The following ARHGAP24 variants were observed in gnomAD, a reference collection of about 807,000 sequenced individuals.
ARHGAP24 encodes the protein Rho GTPase activating protein 24, also known as rho GTPase-activating protein 24.
A neutral mutation model predicts 76.4 loss-of-function variants in ARHGAP24; 50 were observed. The observed-to-expected ratio is 0.65, with a 90% CI of 0.52 to 0.83. The LOEUF is 0.83. ARHGAP24 is among the 40% of genes least tolerant of loss of function. The probability of loss-of-function intolerance (pLI) is 0.00; values close to 1 mark genes in which losing one functional copy is unlikely to be tolerated. For synonymous variants in ARHGAP24, 345 were observed against 323.3 expected, an observed-to-expected ratio of 1.07 and a Z score of -0.72; for missense variants, 930 against 914.2, an observed-to-expected ratio of 1.02 and a Z score of -0.22.
At chr4:85,845,002 A>G (rs936924280) in intron 3 of ARHGAP24, among the ~76,000 whole-genome samples, 1 of 152,222 alleles carries the variant, frequency 6.6e-6, no homozygotes, top group African/African-American at 2.4e-5. Context: ...GAGAGGTTGG[A>G]AAATACTAAT....
chr4:85,952,689 A>G (rs1737684863), intron 5 of ARHGAP24, among the ~76,000 whole-genome samples: 1 of 152,182 alleles, frequency 6.6e-6, no homozygotes, highest in African/African-American at 2.4e-5. Context: ...ATACTTTTAT[A>G]TAGGCATGAC....
chr4:85,487,826 T>C (rs1376992236), intron 1 of ARHGAP24, among the ~76,000 whole-genome samples: 4 of 120,062 alleles, frequency 3.3e-5, no homozygotes, highest in African/African-American at 1.3e-4. Flanking sequence ...ATAAACATAT[T>C]TATTACATAT....
intron 2 of ARHGAP24, among the ~76,000 whole-genome samples, chr4:85,697,080 C>T (rs548999386): frequency 6.6e-5 from 10 of 152,216 alleles, no homozygotes; most frequent in African/African-American, 1.4e-4. Context: ...ACTGGACCAA[C>T]GATCAGCTAG....
intron 2 of ARHGAP24, among the ~76,000 whole-genome samples, chr4:85,623,363 C>T (rs1216553128): frequency 6.6e-6 from 1 of 152,168 alleles, no homozygotes; most frequent in Non-Finnish European, 1.5e-5. Flanking sequence ...AATCCTTTCC[C>T]CATTGCTTGT....
chr4:85,615,855 G>A lies in ARHGAP24; in HGVS notation c.180+45134G>A, dbSNP rs148345372. ...GCATTTCTAACTCATGTAAACATTG[G>A]GGAAGTGGGTGTAAACTCTGCAAAA... On this transcript the variant is annotated intron_variant, in intron 2 of 9. Transcript: ENST00000395184. Among the ~76,000 whole-genome samples, 462 of 152,262 alleles carry A rather than the reference G, an allele frequency of 3.0e-3. 4 individuals are homozygous for A. The highest frequency in any genetic ancestry group is 0.01 in the African/African-American group (435 of 41,558).
intron 1 of ARHGAP24, among the ~76,000 whole-genome samples, chr4:85,562,064 G>A (rs1015221684): frequency 3.3e-5 from 5 of 152,208 alleles, no homozygotes; most frequent in African/African-American, 1.2e-4. Context: ...AGTGTTCAAG[G>A]AAAGGTAGGC....
At chr4:85,674,989 A>G (rs1246479110) in intron 2 of ARHGAP24, among the ~76,000 whole-genome samples, 1 of 152,208 alleles carries the variant, frequency 6.6e-6, no homozygotes, top group Non-Finnish European at 1.5e-5. Flanking sequence ...TTGTAATCAG[A>G]GGGTTCTGCT....
chr4:85,877,443 T>G (rs1384149193), intron 3 of ARHGAP24, among the ~76,000 whole-genome samples: 1 of 151,638 alleles, frequency 6.6e-6, no homozygotes. Context: ...TGGGCAACAT[T>G]GCAAAATCCC....
rs1030329181 is a variant in ARHGAP24 at position 85,620,542 on chromosome 4, T to C, written c.180+49821T>C. 5.3e-5 allele frequency among the ~76,000 whole-genome samples: 8 copies of C among 151,844 alleles called. No homozygotes were observed. In the East Asian group the frequency reaches 1.5e-3, roughly 29 times the overall value. On this transcript the variant is annotated intron_variant, in intron 2 of 9. Coordinates refer to ENST00000395184, the MANE Select transcript of ARHGAP24 (RefSeq NM_001025616.3). ...CTTTGAGTGTTTGCTCTTTTTTTCTTAATCAAATCTTTCTAGCCAAAGATT... is the reference window on the plus strand; with the variant it reads ...CTTTGAGTGTTTGCTCTTTTTTTCTCAATCAAATCTTTCTAGCCAAAGATT...
chr4:85,945,746 C>T (rs921778667), intron 5 of ARHGAP24, among the ~76,000 whole-genome samples: 19 of 129,306 alleles, frequency 1.5e-4, no homozygotes, highest in Admixed American at 1.4e-3. Context: ...GGCAACAGGG[C>T]GAGACTCAGC....
chr4:85,577,230 GA>G (rs201508427), intron 2 of ARHGAP24, among the ~76,000 whole-genome samples: 3,496 of 147,208 alleles, frequency 0.024, 131 homozygotes, highest in African/African-American at 0.078. Flanking sequence ...TATATCATAG[GA>G]AAAAAAAATA....
At chr4:85,517,653 C>T (rs2869351) in intron 1 of ARHGAP24, among the ~76,000 whole-genome samples, 131,893 of 152,010 alleles carry the variant, frequency 0.87, 59,690 homozygotes, top group Non-Finnish European at 0.98. Flanking sequence ...TATGAACATG[C>T]GTATAAAAAT....
rs902351581 is a variant in ARHGAP24 at position 85,930,272 on chromosome 4, C to T, written c.391+6502C>T. 85 of 985,140 alleles carry T rather than the reference C, an allele frequency of 8.6e-5. 1 individual carries two copies. The highest frequency in any genetic ancestry group is 9.9e-5 in the Non-Finnish European group (82 of 830,088). 61.0% of individuals were successfully genotyped at this position (985,140 alleles called of 1,614,324 possible). A position where few individuals can be genotyped will look rare whatever the true frequency, so the allele number is the denominator to read the frequency against. On this transcript the variant is annotated intron_variant, in intron 4 of 9. Transcript: ENST00000395184. ...GACTGTTCTGACGTTGTGATTCTCT[C>T]GGGAGTTTGAAGACAGAAAGGAAAG...
intron 1 of ARHGAP24, among the ~76,000 whole-genome samples, chr4:85,565,663 C>T (rs543409641): frequency 1.5e-4 from 23 of 152,208 alleles, no homozygotes; most frequent in African/African-American, 4.1e-4. Context: ...GTTGTTCCCT[C>T]GCCCTCTTTC....
intron 3 of ARHGAP24, among the ~76,000 whole-genome samples, chr4:85,756,468 C>T (rs1025301123): frequency 3.3e-5 from 5 of 152,114 alleles, no homozygotes; most frequent in Non-Finnish European, 1.5e-5. Context: ...CTATTTATTA[C>T]AAAAGGACTT....
intron 4 of ARHGAP24, chr4:85,924,843 T>C (rs1386652703): frequency 1.3e-5 from 2 of 152,214 alleles, no homozygotes; most frequent in Non-Finnish European, 2.9e-5. Flanking sequence ...ATATCTTCTG[T>C]TAAGGAAAGG....
chr4:85,860,497 C>T (rs1379261995), intron 3 of ARHGAP24, among the ~76,000 whole-genome samples: 1 of 152,038 alleles, frequency 6.6e-6, no homozygotes, highest in African/African-American at 2.4e-5. Context: ...TCTGGAAGAA[C>T]AAGAGGCTTT....
intron 2 of ARHGAP24, among the ~76,000 whole-genome samples, chr4:85,708,772 A>T (rs1724411192): frequency 6.6e-6 from 1 of 152,158 alleles, no homozygotes; most frequent in Admixed American, 6.6e-5. Flanking sequence ...ACAGAGCTCA[A>T]ATCGCCTAAG....
chr4:85,856,130 AC>A (rs1199857830), intron 3 of ARHGAP24, among the ~76,000 whole-genome samples: 1 of 151,998 alleles, frequency 6.6e-6, no homozygotes, highest in Non-Finnish European at 1.5e-5. Flanking sequence ...GATATTATCA[AC>A]CTTTCTTTTA....
Sources: gnomAD v4.1 joint callset for allele counts (sites outside exome capture counted in the v4.1 genomes callset) on GRCh38, gnomAD v4.1.1 for gene constraint, MANE v1.5 for transcripts, NCBI Gene and HGNC (gene_info 2026-07-23, HGNC 2026-07-21) for gene names.